VWA3B: variants seen among roughly 807,000 people sequenced by gnomAD.
The protein encoded by VWA3B is von Willebrand factor A domain containing 3B, also known as von Willebrand factor A domain-containing protein 3B.
In VWA3B, 138 loss-of-function variants were observed where a neutral mutation model predicts 158.3. The ratio of observed to expected loss-of-function variants is 0.87; its 90% CI spans 0.76 to 1.00. The LOEUF (loss-of-function observed/expected upper bound fraction) is 1.00, where lower values mean the gene tolerates loss of function less well. Ranked by LOEUF, VWA3B falls within the 50% of genes least tolerant of loss-of-function variation. The pLI is 0.00. For missense variants in VWA3B, 1,555 were observed against 1,565.1 expected, an observed-to-expected ratio of 0.99 and a Z score of 0.11; for synonymous variants, 596 against 587.3, an observed-to-expected ratio of 1.01 and a Z score of -0.21.
At chr2:98,207,501 G>T in intron 12 of VWA3B, 1 of 510,614 alleles carries the variant, frequency 2.0e-6, no homozygotes, top group South Asian at 1.4e-5. Flanking sequence ...AAGACAAGTT[G>T]ACTGTGTCTT....
chr2:98,093,338 G>A (rs1682487845), intron 2 of VWA3B, 50 bp downstream of exon 2: 13 of 1,590,368 alleles, frequency 8.2e-6, no homozygotes, highest in African/African-American at 5.4e-5. Flanking sequence ...CTTTGAGGTG[G>A]AGGTGGCTGC....
At chr2:98,264,369 C>T (rs1687663930) in intron 21 of VWA3B, among the ~76,000 whole-genome samples, 1 of 152,022 alleles carries the variant, frequency 6.6e-6, no homozygotes, top group African/African-American at 2.4e-5. Flanking sequence ...TATAAACTTC[C>T]TTCTCAGTAC....
chr2:98,235,486 C>T (rs1466418995), intron 17 of VWA3B, among the ~76,000 whole-genome samples: 3 of 151,156 alleles, frequency 2.0e-5, no homozygotes, highest in Admixed American at 6.6e-5. Context: ...AGTGCAGTGG[C>T]GTGATCTCGG....
At chr2:98,166,173 C>T (rs1207307216) in intron 8 of VWA3B, among the ~76,000 whole-genome samples, 1 of 152,118 alleles carries the variant, frequency 6.6e-6, no homozygotes, top group African/African-American at 2.4e-5. Flanking sequence ...CCCATCTCTA[C>T]CAAAAATACA....
chr2:98,258,011 C>T (rs1369769932), intron 21 of VWA3B, among the ~76,000 whole-genome samples: 1 of 151,652 alleles, frequency 6.6e-6, no homozygotes, highest in Admixed American at 6.6e-5. Flanking sequence ...GACTTTTGAT[C>T]CATTTTTGAG....
chr2:98,181,930 G>A (rs545906870), intron 9 of VWA3B, among the ~76,000 whole-genome samples: 1 of 152,330 alleles, frequency 6.6e-6, no homozygotes, highest in East Asian at 1.9e-4. Context: ...GAGAGGTGTA[G>A]AACAGGAACC....
Position 98,313,191 on chromosome 2 carries a change from A to G in VWA3B, c.*842A>G, listed in dbSNP as rs532563819. Reference sequence around the variant, plus strand: ...AGTTCTGATACTCTAAAAATTTACAATCTAATTAAAAGTGGCATTCACATT... The same window carrying G: ...AGTTCTGATACTCTAAAAATTTACAGTCTAATTAAAAGTGGCATTCACATT... On this transcript the variant is annotated 3_prime_UTR_variant, in exon 28 of 28. Transcript: ENST00000477737. The G allele has an allele frequency of 1.3e-5, 2 of 152,290 alleles. No homozygotes were observed. The highest frequency in any genetic ancestry group is 2.1e-4 in the South Asian group (1 of 4,822). The allele number at this position is 152,290 out of a possible 1,614,324, so 9.4% of individuals were successfully genotyped here.
chr2:98,289,596 T>A (rs17500449), intron 22 of VWA3B, among the ~76,000 whole-genome samples: 5,929 of 152,318 alleles, frequency 0.039, 169 homozygotes, highest in Middle Eastern at 0.075. Flanking sequence ...TTCCTCTTTG[T>A]GAGACAGCGA....
intron 9 of VWA3B, among the ~76,000 whole-genome samples, chr2:98,182,463 G>A (rs1293169112): frequency 6.6e-6 from 1 of 152,210 alleles, no homozygotes; most frequent in Non-Finnish European, 1.5e-5. Flanking sequence ...TTAGAAAAAT[G>A]CAGAATTGAT....
chr2:98,128,201 T>C (rs1675535147), intron 5 of VWA3B, 38 bp from the exon 6 acceptor site: 2 of 1,609,324 alleles, frequency 1.2e-6, no homozygotes, highest in East Asian at 4.5e-5. Flanking sequence ...AGCTAGGGCA[T>C]GTGAGGGAGA....
chr2:98,312,604 T>A lies in VWA3B; in HGVS notation c.*255T>A. 1 of 424,414 alleles carries A rather than the reference T, an allele frequency of 2.4e-6. No individual in the cohort carries two copies. Among genetic ancestry groups the A allele is most frequent in the South Asian group, 6.2e-5 (1 of 16,250 alleles). 26.3% of individuals were successfully genotyped at this position (424,414 alleles called of 1,614,324 possible). ...CCTGCACTCACAAAATTGTATTCCA[T>A]CTTCTGGTAGACGCCCCACCCCCAG... On this transcript the variant is annotated 3_prime_UTR_variant, in exon 28 of 28. Coordinates refer to ENST00000477737, the MANE Select transcript of VWA3B (RefSeq NM_144992.5).
At chr2:98,297,465 T>A (rs953217797) in intron 23 of VWA3B, among the ~76,000 whole-genome samples, 1 of 152,222 alleles carries the variant, frequency 6.6e-6, no homozygotes, top group Non-Finnish European at 1.5e-5. Flanking sequence ...AAAGCCAATT[T>A]GGATGGGAGT....
intron 12 of VWA3B, among the ~76,000 whole-genome samples, chr2:98,202,293 A>G (rs1682615979): frequency 6.6e-6 from 1 of 152,218 alleles, no homozygotes; most frequent in Admixed American, 6.5e-5. Flanking sequence ...ATTTATGAGC[A>G]TAGAATTGCT....
chr2:98,160,672 T>C (rs1678499571), intron 7 of VWA3B, among the ~76,000 whole-genome samples: 1 of 152,236 alleles, frequency 6.6e-6, no homozygotes, highest in South Asian at 2.1e-4. Flanking sequence ...ACCTCCAGGC[T>C]GAAGCAAGCA....
chr2:98,229,725 T>A (rs1422462792), intron 15 of VWA3B, among the ~76,000 whole-genome samples: 1 of 152,156 alleles, frequency 6.6e-6, no homozygotes, highest in Non-Finnish European at 1.5e-5. Context: ...TATATAGGTG[T>A]GCAGGTGACG....
chr2:98,293,271 AT>A (rs1410387004), intron 23 of VWA3B, among the ~76,000 whole-genome samples: 1 of 152,220 alleles, frequency 6.6e-6, no homozygotes, highest in Admixed American at 6.5e-5. Context: ...CTAAGCAGGA[AT>A]TTTTAATTTG....
intron 19 of VWA3B, chr2:98,245,734 TA>T (rs1230681684): frequency 7.8e-6 from 3 of 384,762 alleles, no homozygotes; most frequent in Non-Finnish European, 1.5e-5. Context: ...TTTGGAAAGC[TA>T]TTTACAGACT....
chr2:98,108,227 A>G (rs935789600), intron 2 of VWA3B, among the ~76,000 whole-genome samples: 1 of 152,120 alleles, frequency 6.6e-6, no homozygotes, highest in Non-Finnish European at 1.5e-5. Context: ...CAGAGCACGT[A>G]CTTGTTTGGT....
At chr2:98,245,493 C>T (rs1686334368) in intron 19 of VWA3B, 1 of 453,786 alleles carries the variant, frequency 2.2e-6, no homozygotes, top group Non-Finnish European at 4.4e-6. Flanking sequence ...CCTGGATCTG[C>T]ATGTGGAGAG....
Sources: allele counts gnomAD v4.1 joint callset (sites outside exome capture counted in the v4.1 genomes callset), GRCh38; gene constraint gnomAD v4.1.1; transcripts MANE v1.5; gene names NCBI Gene and HGNC (gene_info 2026-07-23, HGNC 2026-07-21).